The following SMARCAD1 variants were observed in gnomAD, a reference collection of about 807,000 sequenced individuals.
The protein encoded by SMARCAD1 is SNF2 related chromatin remodeling ATPase with DExD box 1.
A neutral mutation model predicts 127.1 loss-of-function variants in SMARCAD1; 25 were observed. The observed-to-expected ratio is 0.20, with a 90% CI of 0.14 to 0.27. The LOEUF (loss-of-function observed/expected upper bound fraction) is 0.27, where lower values mean the gene tolerates loss of function less well. Among genes scored for constraint, SMARCAD1 ranks in the 10% least tolerant of loss-of-function variants. The pLI is 1.00. For synonymous variants in SMARCAD1, 400 were observed against 396.9 expected, an observed-to-expected ratio of 1.01 and a Z score of -0.09; for missense variants, 807 against 1,206.0, an observed-to-expected ratio of 0.67 and a Z score of 4.90.
rs1246263879 is a variant in SMARCAD1, at chr4:94,289,866, A to G, written c.*332A>G. 1 of 469,078 alleles carries G rather than the reference A, an allele frequency of 2.1e-6. No individual in the cohort carries two copies. Among genetic ancestry groups the G allele is most frequent in the Non-Finnish European group, 4.2e-6 (1 of 237,638 alleles). 29.1% of individuals were successfully genotyped at this position (469,078 alleles called of 1,614,324 possible). ...TGTCAGTATTTTTGTAATTATTTCT[A>G]CCTCCAAATATATATATATTGTCTT... On this transcript the variant is annotated 3_prime_UTR_variant, in exon 24 of 24. Coordinates refer to ENST00000354268, the MANE Select transcript of SMARCAD1 (RefSeq NM_020159.5).
chr4:94,275,282 A>AT (rs779338662), intron 14 of SMARCAD1, among the ~76,000 whole-genome samples: 20 of 152,326 alleles, frequency 1.3e-4, no homozygotes, highest in Non-Finnish European at 2.5e-4. Context: ...AATTATTTAT[A>AT]TTTTTAACTT....
intron 6 of SMARCAD1, among the ~76,000 whole-genome samples, chr4:94,246,576 A>G (rs1466535260): frequency 1.3e-5 from 2 of 152,148 alleles, no homozygotes; most frequent in Non-Finnish European, 2.9e-5. Flanking sequence ...GGAGTTTGCA[A>G]CATGCTCCAG....
intron 9 of SMARCAD1, among the ~76,000 whole-genome samples, chr4:94,264,263 A>G (rs1751424259): frequency 1.3e-5 from 2 of 151,986 alleles, no homozygotes; most frequent in Non-Finnish European, 2.9e-5. Context: ...TAATAGTCAT[A>G]GGAAATGACA....
At chr4:94,279,540 C>T (rs529927288) in intron 19 of SMARCAD1, among the ~76,000 whole-genome samples, 2 of 152,182 alleles carry the variant, frequency 1.3e-5, no homozygotes, top group African/African-American at 4.8e-5. Context: ...TATGGCCTTA[C>T]GGCAGTGACT....
intron 3 of SMARCAD1, among the ~76,000 whole-genome samples, chr4:94,228,000 G>A (rs1330949585): frequency 2.0e-5 from 3 of 152,122 alleles, no homozygotes; most frequent in East Asian, 1.9e-4. Context: ...TTCTGAGGAG[G>A]AGCAGCTATT....
At chr4:94,208,279 C>T (rs765761637) in intron 1 of SMARCAD1, 67 bp from the exon 2 acceptor site, 7 of 1,110,550 alleles carry the variant, frequency 6.3e-6, no homozygotes, top group Non-Finnish European at 8.3e-6. Context: ...TGGGAATAAA[C>T]TGCTGTGGCA....
intron 5 of SMARCAD1, among the ~76,000 whole-genome samples, chr4:94,238,981 T>G (rs1747147387): frequency 6.6e-6 from 1 of 152,232 alleles, no homozygotes; most frequent in Admixed American, 6.5e-5. Flanking sequence ...TAAATTTATT[T>G]AACTTCAGCT....
rs752144743 is a variant in SMARCAD1, at chr4:94,226,313, A to G, written c.368+17A>G. On this transcript the variant is annotated intron_variant, in intron 3 of 23. Transcript: ENST00000354268. ...GATTATAGTGTAAGCTGATTAATAG[A>G]TATATTGTATTTGCATGTGTGTGAG... The G allele has an allele frequency of 1.0e-5, 16 of 1,595,466 alleles. No individual in the cohort carries two copies. The highest frequency in any genetic ancestry group is 1.3e-5 in the African/African-American group (1 of 74,388).
At chr4:94,230,928 G>A (rs144737024) in intron 3 of SMARCAD1, among the ~76,000 whole-genome samples, 1 of 152,234 alleles carries the variant, frequency 6.6e-6, no homozygotes, top group Non-Finnish European at 1.5e-5. Context: ...TGAGGGTGGG[G>A]CCAAATTTTC....
At chr4:94,240,565 G>T (rs985010629) in intron 5 of SMARCAD1, among the ~76,000 whole-genome samples, 2 of 152,064 alleles carry the variant, frequency 1.3e-5, no homozygotes, top group Admixed American at 6.6e-5. Flanking sequence ...ACTTGGTGGG[G>T]GTCAGCTTTA....
intron 2 of SMARCAD1, among the ~76,000 whole-genome samples, chr4:94,219,666 C>G (rs568236411): frequency 7.9e-5 from 12 of 152,262 alleles, no homozygotes; most frequent in Non-Finnish European, 1.5e-4. Context: ...TTCCCATTAC[C>G]TTTGGTAATA....
intron 2 of SMARCAD1, among the ~76,000 whole-genome samples, chr4:94,210,714 C>T (rs1426035883): frequency 6.6e-6 from 1 of 151,742 alleles, no homozygotes; most frequent in Non-Finnish European, 1.5e-5. Flanking sequence ...CAAAGGTGGG[C>T]AAATCACCTG....
chr4:94,285,735 G>A (rs1754847059), intron 23 of SMARCAD1, among the ~76,000 whole-genome samples: 1 of 152,170 alleles, frequency 6.6e-6, no homozygotes, highest in South Asian at 2.1e-4. Context: ...ATTTCAGGGT[G>A]CTGTGGAAGC....
intron 6 of SMARCAD1, among the ~76,000 whole-genome samples, chr4:94,241,775 T>C (rs1747606243): frequency 6.6e-6 from 1 of 152,128 alleles, no homozygotes. Flanking sequence ...ACCGTAACAA[T>C]AGCCAGATTA....
intron 10 of SMARCAD1, among the ~76,000 whole-genome samples, chr4:94,267,252 A>G (rs917983040): frequency 6.3e-4 from 96 of 152,142 alleles, no homozygotes; most frequent in Non-Finnish European, 9.0e-4. Context: ...TGTGAACGCA[A>G]ATTAACACTG....
Position 94,281,475 on chromosome 4 carries a change from G to T in SMARCAD1, c.2611G>T (p.Asp871Tyr). ...ATTCATGTATGTATTTTCACAGGGT[G>T]ATAGAGTTGTGTTATTTAGCCAATT... is the stretch of plus-strand genomic sequence containing the variant. ...CILSELKQKGDRVVLFSQFTM... is the reference protein window; with the variant it reads ...CILSELKQKGYRVVLFSQFTM... The change falls in exon 21 of 24, where the codon GAT (aspartate) becomes TAT (tyrosine). Residue 871 changes from aspartate (D) to tyrosine (Y), a missense_variant. Physicochemically the swap from Asp to Tyr is radical, Grantham distance 160. This residue lies in a region of SMARCAD1 where 44 missense variants were observed against 119.1 expected (regional missense o/e 0.37). Transcript: ENST00000354268. 1 of 1,598,224 alleles carries T rather than the reference G, an allele frequency of 6.3e-7. No homozygotes were observed. Among genetic ancestry groups the T allele is most frequent in the South Asian group, 1.1e-5 (1 of 90,772 alleles).
chr4:94,253,456 G>GC (rs1749588717), intron 9 of SMARCAD1: 9 of 1,180,288 alleles, frequency 7.6e-6, no homozygotes, highest in Non-Finnish European at 7.5e-6. Flanking sequence ...CAAAATGCCA[G>GC]CCTAAGTGTT....
chr4:94,244,270 G>A (rs1210770363), intron 6 of SMARCAD1, among the ~76,000 whole-genome samples: 1 of 152,212 alleles, frequency 6.6e-6, no homozygotes, highest in Non-Finnish European at 1.5e-5. Flanking sequence ...AGTAGTGGTT[G>A]CTTTAATGAT....
chr4:94,270,866 AGGTATTCTTGCT>A, intron 11 of SMARCAD1, 48 bp downstream of exon 11: 1 of 1,548,090 alleles, frequency 6.5e-7, no homozygotes, highest in Non-Finnish European at 8.9e-7. Flanking sequence ...TGTCATTAAA[AGGTATTCTTGCT>A]GTCATTTAAA....
Sources: gnomAD v4.1 joint callset for allele counts (sites outside exome capture counted in the v4.1 genomes callset) on GRCh38, gnomAD v4.1.1 for gene constraint, gnomAD v4.1.1 regional missense constraint, MANE v1.5 for transcripts, NCBI Gene and HGNC (gene_info 2026-07-23, HGNC 2026-07-21) for gene names.